The following LCMT1 variants were observed in gnomAD, a reference collection of about 807,000 sequenced individuals.
The protein encoded by LCMT1 is leucine carboxyl methyltransferase 1, also known as [Phosphatase 2A protein]-leucine-carboxy methyltransferase 1.
A neutral mutation model predicts 47.7 loss-of-function variants in LCMT1; 32 were observed. That is an observed-to-expected ratio of 0.67 (90% CI 0.51 to 0.90). LCMT1 has a LOEUF of 0.90. Ranked by LOEUF, LCMT1 falls within the 40% of genes least tolerant of loss-of-function variation. The pLI, the probability that LCMT1 is intolerant of heterozygous loss-of-function variation, is 0.00. For synonymous variants in LCMT1, 152 were observed against 149.7 expected (o/e 1.02, Z -0.11); for missense variants, 375 against 415.2 (o/e 0.90, Z 0.84).
rs146965243 is a variant in LCMT1, at chr16:25,122,713, G to A, written c.114-5762G>A. On this transcript the variant is annotated intron_variant, in intron 1 of 10. Coordinates refer to ENST00000399069, the MANE Select transcript of LCMT1 (RefSeq NM_016309.3). ...TTTGTAAGAACTTTTTATTTCAGGC[G>A]TAGTTATCCTGTGCCTCTGCTTTGC... 9.5e-3 allele frequency among the ~76,000 whole-genome samples: 1,439 copies of A among 152,224 alleles called. 12 individuals carry two copies. The highest frequency in any genetic ancestry group is 0.016 in the Non-Finnish European group (1,115 of 68,010).
At chr16:25,170,948 A>C (rs554641259) in intron 9 of LCMT1, 143 bp downstream of exon 9, 6 of 584,484 alleles carry the variant, frequency 1.0e-5, no homozygotes, top group Non-Finnish European at 1.8e-5. Context: ...ATAAAAAACA[A>C]GGCCAGGCAC....
chr16:25,160,508 C>G (rs932478585), intron 5 of LCMT1, among the ~76,000 whole-genome samples: 4 of 152,206 alleles, frequency 2.6e-5, no homozygotes, highest in Non-Finnish European at 5.9e-5. Context: ...AGAGAGCAGC[C>G]TGCTAATGGG....
chr16:25,128,600 A>AGG, intron 2 of LCMT1, 34 bp downstream of exon 2: 1 of 1,482,262 alleles, frequency 6.7e-7, no homozygotes, highest in Non-Finnish European at 9.3e-7. Flanking sequence ...ACAGCACCTC[A>AGG]TCAGCTACCT....
At chr16:25,127,088 G>A (rs1291629045) in intron 1 of LCMT1, among the ~76,000 whole-genome samples, 1 of 152,208 alleles carries the variant, frequency 6.6e-6, no homozygotes, top group African/African-American at 2.4e-5. Context: ...AGTAGGCTGG[G>A]CACGGTGACT....
intron 5 of LCMT1, among the ~76,000 whole-genome samples, chr16:25,156,236 C>G (rs1433167670): frequency 6.6e-6 from 1 of 152,146 alleles, no homozygotes; most frequent in Non-Finnish European, 1.5e-5. Flanking sequence ...ACTGACTGCT[C>G]CTTGATATAT....
intron 3 of LCMT1, among the ~76,000 whole-genome samples, chr16:25,138,339 CAG>C (rs2141660574): frequency 6.6e-6 from 1 of 152,110 alleles, no homozygotes; most frequent in South Asian, 2.1e-4. Flanking sequence ...CTGGAGGTGA[CAG>C]AGCTCAGGAG....
chr16:25,150,039 G>T (rs967493836), intron 4 of LCMT1, among the ~76,000 whole-genome samples: 9 of 152,048 alleles, frequency 5.9e-5, no homozygotes, highest in Non-Finnish European at 1.2e-4. Flanking sequence ...TATTATGGGG[G>T]CCATTCCGAG....
chr16:25,172,636 G>A (rs1003863721), intron 9 of LCMT1, among the ~76,000 whole-genome samples: 1 of 152,160 alleles, frequency 6.6e-6, no homozygotes, highest in African/African-American at 2.4e-5. Context: ...TTTTGGCTTT[G>A]CTTTTCCATA....
intron 3 of LCMT1, among the ~76,000 whole-genome samples, chr16:25,135,159 G>T (rs1960466066): frequency 6.6e-6 from 1 of 152,086 alleles, no homozygotes; most frequent in African/African-American, 2.4e-5. Context: ...TAAGAAAAAG[G>T]CAGTCAGTCA....
intron 3 of LCMT1, among the ~76,000 whole-genome samples, chr16:25,137,055 T>A (rs527906660): frequency 7.9e-5 from 12 of 152,340 alleles, no homozygotes; most frequent in Admixed American, 3.3e-4. Flanking sequence ...ACTTCCCATA[T>A]GCTGTCAGTA....
At chr16:25,116,572 G>A (rs1237704906) in intron 1 of LCMT1, among the ~76,000 whole-genome samples, 1 of 151,908 alleles carries the variant, frequency 6.6e-6, no homozygotes, top group African/African-American at 2.4e-5. Context: ...AGGTCCTGGA[G>A]GTCAGTGCCA....
chr16:25,143,474 G>A (rs1245345151), intron 4 of LCMT1: 1 of 152,170 alleles, frequency 6.6e-6, no homozygotes, highest in Non-Finnish European at 1.5e-5. Flanking sequence ...GGGGACTTGG[G>A]GAGTCCAAAT....
At chr16:25,161,751 A>G (rs1007393565) in intron 6 of LCMT1, among the ~76,000 whole-genome samples, 1 of 152,116 alleles carries the variant, frequency 6.6e-6, no homozygotes, top group Non-Finnish European at 1.5e-5. Flanking sequence ...TAATTTATGG[A>G]TAGAAACATA....
At position 25,111,812 on chromosome 16, in the gene LCMT1, G is replaced by A; in HGVS notation, c.-72G>A. On this transcript the variant is annotated 5_prime_UTR_variant, in exon 1 of 11. Transcript: ENST00000399069. ...CTGTTGCTTTCTCCCTGTGGCTCGC[G>A]CCGTCCCCCGCCGCCCGTCGACCCC... 9.9e-7 allele frequency: 1 copy of A among 1,007,232 alleles called. No individual in the cohort carries two copies. The highest frequency in any genetic ancestry group is 1.4e-5 in the South Asian group (1 of 71,762). The allele number at this position is 1,007,232 out of a possible 1,614,324, so 62.4% of individuals were successfully genotyped here. A position where few individuals can be genotyped will look rare whatever the true frequency, so the allele number is the denominator to read the frequency against.
At chr16:25,159,829 G>A (rs914065834) in intron 5 of LCMT1, among the ~76,000 whole-genome samples, 13 of 152,056 alleles carry the variant, frequency 8.5e-5, no homozygotes, top group African/African-American at 3.1e-4. Context: ...TGAATTATTA[G>A]CAGTAGTATG....
intron 1 of LCMT1, among the ~76,000 whole-genome samples, chr16:25,115,497 A>G (rs74013652): frequency 0.016 from 2,416 of 152,190 alleles, 73 homozygotes; most frequent in African/African-American, 0.055. Context: ...TGACTATCCT[A>G]GTTTGTTTCT....
At chr16:25,123,517 A>C (rs1960062825) in intron 1 of LCMT1, among the ~76,000 whole-genome samples, 1 of 149,778 alleles carries the variant, frequency 6.7e-6, no homozygotes, top group Admixed American at 6.7e-5. Context: ...GAGCCACCGC[A>C]CTCAGCCTTA....
Position 25,126,171 on chromosome 16 carries a change from T to A in LCMT1, c.114-2304T>A. ...GGAGGTGGGAGCCGGTGGGAGTTGC[T>A]GGCTGGGTGTGTTTGCATTATGGAC... On this transcript the variant is annotated intron_variant, in intron 1 of 10. Transcript: ENST00000399069. The A allele has an allele frequency of 2.2e-6, 3 of 1,342,196 alleles. No individual in the cohort carries two copies. In the South Asian group the frequency reaches 3.5e-5, roughly 16 times the overall value. The allele number at this position is 1,342,196 out of a possible 1,614,324, so 83.1% of individuals were successfully genotyped here.
At chr16:25,172,723 G>A (rs1961813031) in intron 9 of LCMT1, among the ~76,000 whole-genome samples, 1 of 152,234 alleles carries the variant, frequency 6.6e-6, no homozygotes, top group South Asian at 2.1e-4. Context: ...AGCCTAGAGG[G>A]TTTGAGAAAG....
Sources: allele counts gnomAD v4.1 joint callset (sites outside exome capture counted in the v4.1 genomes callset), GRCh38; gene constraint gnomAD v4.1.1; transcripts MANE v1.5; gene names NCBI Gene and HGNC (gene_info 2026-07-23, HGNC 2026-07-21).